ST6GALNAC5: variants seen among roughly 807,000 people sequenced by gnomAD.
ST6GALNAC5 encodes the protein alpha-N-acetylgalactosaminide alpha-2,6-sialyltransferase 5.
ST6GALNAC5 carries 27 observed loss-of-function variants against 33.6 expected under a neutral mutation model. The ratio of observed to expected loss-of-function variants is 0.80; its 90% confidence interval spans 0.59 to 1.11. ST6GALNAC5 has a LOEUF of 1.11. Among genes scored for constraint, ST6GALNAC5 ranks in the 50% least tolerant of loss-of-function variants. The pLI is 0.00. For synonymous variants in ST6GALNAC5, 194 were observed against 171.2 expected (o/e 1.13, Z -1.04); for missense variants, 428 against 454.0 (o/e 0.94, Z 0.52).
At chr1:76,997,271 A>G (rs964815071) in intron 2 of ST6GALNAC5, among the ~76,000 whole-genome samples, 1 of 152,214 alleles carries the variant, frequency 6.6e-6, no homozygotes, top group Non-Finnish European at 1.5e-5. Flanking sequence ...ACAGTTTCGT[A>G]GTTACAAGAC....
chr1:77,062,707 T>C (rs1652618986), intron 4 of ST6GALNAC5, among the ~76,000 whole-genome samples: 1 of 152,140 alleles, frequency 6.6e-6, no homozygotes, highest in Admixed American at 6.6e-5. Flanking sequence ...TTGTGACTTA[T>C]TAATATGTAG....
intron 2 of ST6GALNAC5, among the ~76,000 whole-genome samples, chr1:77,003,502 A>T (rs1650260284): frequency 6.7e-6 from 1 of 148,258 alleles, no homozygotes; most frequent in South Asian, 2.2e-4. Flanking sequence ...TTTAAAGTTA[A>T]TATTGTTATG....
intron 2 of ST6GALNAC5, among the ~76,000 whole-genome samples, chr1:76,935,329 TC>T (rs1647190121): frequency 1.3e-5 from 2 of 152,090 alleles, no homozygotes; most frequent in African/African-American, 4.8e-5. Context: ...TGGGGTTTTT[TC>T]CTTGTTAATG....
chr1:76,989,697 T>C (rs1649649230), intron 2 of ST6GALNAC5, among the ~76,000 whole-genome samples: 1 of 150,844 alleles, frequency 6.6e-6, no homozygotes, highest in Non-Finnish European at 1.5e-5. Flanking sequence ...TTCCACAGTC[T>C]CCACAAAGGT....
intron 2 of ST6GALNAC5, among the ~76,000 whole-genome samples, chr1:77,037,931 G>C (rs1024306717): frequency 5.3e-5 from 8 of 152,150 alleles, no homozygotes; most frequent in African/African-American, 1.7e-4. Context: ...TGAGCACCTG[G>C]GTAGAAGGTG....
intron 2 of ST6GALNAC5, among the ~76,000 whole-genome samples, chr1:77,036,426 C>A: frequency 6.6e-6 from 1 of 152,046 alleles, no homozygotes; most frequent in East Asian, 1.9e-4. Context: ...GCAAATTAAT[C>A]TCAATAAAGC....
rs1652725049 is a variant in ST6GALNAC5, at chr1:77,064,933, C to T, written c.*1727C>T. 6.6e-6 allele frequency: 1 copy of T among 152,140 alleles called. No homozygotes were observed. The highest frequency in any genetic ancestry group is 1.5e-5 in the Non-Finnish European group (1 of 68,024). The allele number at this position is 152,140 out of a possible 1,614,324, so 9.4% of individuals were successfully genotyped here. ...GAGTATTGTTGTTAAAATGCAAACA[C>T]AATCAGGGTACTCACATAACATAAA... On this transcript the variant is annotated 3_prime_UTR_variant, in exon 5 of 5. Transcript: ENST00000477717.
chr1:76,964,915 T>TG (rs1648395821), intron 2 of ST6GALNAC5, among the ~76,000 whole-genome samples: 1 of 152,302 alleles, frequency 6.6e-6, no homozygotes, highest in African/African-American at 2.4e-5. Flanking sequence ...GCTGCATCCA[T>TG]GTCCCTGCAA....
At chr1:76,904,863 A>G (rs1439290989) in intron 2 of ST6GALNAC5, among the ~76,000 whole-genome samples, 1 of 152,146 alleles carries the variant, frequency 6.6e-6, no homozygotes, top group Non-Finnish European at 1.5e-5. Flanking sequence ...CAGACAAACA[A>G]TATGATTCCA....
At chr1:77,008,629 A>G (rs1399375046) in intron 2 of ST6GALNAC5, among the ~76,000 whole-genome samples, 3 of 152,048 alleles carry the variant, frequency 2.0e-5, no homozygotes. Flanking sequence ...TCCTGGGTTC[A>G]AGCAATTCTC....
chr1:76,953,188 C>T (rs759839322), intron 2 of ST6GALNAC5, among the ~76,000 whole-genome samples: 1 of 152,066 alleles, frequency 6.6e-6, no homozygotes, highest in Non-Finnish European at 1.5e-5. Flanking sequence ...TATAACTTTT[C>T]ATTTTTCTGG....
intron 2 of ST6GALNAC5, among the ~76,000 whole-genome samples, chr1:76,970,378 A>G (rs989873522): frequency 1.3e-5 from 2 of 152,004 alleles, no homozygotes; most frequent in Non-Finnish European, 2.9e-5. Context: ...GATGGAGCTG[A>G]AAACCATGGC....
intron 2 of ST6GALNAC5, among the ~76,000 whole-genome samples, chr1:77,036,744 A>T (rs1299651138): frequency 6.6e-6 from 1 of 152,232 alleles, no homozygotes; most frequent in African/African-American, 2.4e-5. Flanking sequence ...TATTTGTTGA[A>T]CACCTTCTAT....
intron 2 of ST6GALNAC5, among the ~76,000 whole-genome samples, chr1:76,879,809 AT>A (rs1653735228): frequency 6.6e-6 from 1 of 152,066 alleles, no homozygotes; most frequent in South Asian, 2.1e-4. Flanking sequence ...CAAACTCAGT[AT>A]CCCCAGCTTC....
intron 2 of ST6GALNAC5, among the ~76,000 whole-genome samples, chr1:76,933,859 CT>C (rs1381694489): frequency 7.3e-5 from 11 of 150,142 alleles, no homozygotes; most frequent in African/African-American, 2.4e-4. Flanking sequence ...AACACAGTTT[CT>C]TGTTGATAAA....
chr1:76,972,414 C>G (rs1397998866), intron 2 of ST6GALNAC5, among the ~76,000 whole-genome samples: 1 of 152,178 alleles, frequency 6.6e-6, no homozygotes, highest in Admixed American at 6.5e-5. Context: ...TATGTTACTA[C>G]TCTTCCATTT....
chr1:76,929,104 T>C (rs1647112531), intron 2 of ST6GALNAC5, among the ~76,000 whole-genome samples: 1 of 152,168 alleles, frequency 6.6e-6, no homozygotes, highest in Non-Finnish European at 1.5e-5. Flanking sequence ...GGTGAGATGA[T>C]AGAAATAATC....
At chr1:76,876,167 G>T (rs1405252989) in intron 2 of ST6GALNAC5, among the ~76,000 whole-genome samples, 1 of 152,146 alleles carries the variant, frequency 6.6e-6, no homozygotes, top group Non-Finnish European at 1.5e-5. Flanking sequence ...GATGGAAGAG[G>T]TCCAATATAA....
intron 2 of ST6GALNAC5, among the ~76,000 whole-genome samples, chr1:77,021,297 A>T (rs1374317797): frequency 2.6e-5 from 4 of 152,190 alleles, no homozygotes; most frequent in Admixed American, 1.3e-4. Context: ...AGAATCCAAG[A>T]AACCAAATTG....
Sources: gnomAD v4.1 joint callset for allele counts (sites outside exome capture counted in the v4.1 genomes callset) on GRCh38, gnomAD v4.1.1 for gene constraint, MANE v1.5 for transcripts, NCBI Gene and HGNC (gene_info 2026-07-23, HGNC 2026-07-21) for gene names.